MAN1C1: variants seen among roughly 807,000 people sequenced by gnomAD.
The protein encoded by MAN1C1 is mannosidase alpha class 1C member 1.
MAN1C1 carries 49 observed loss-of-function variants against 71.5 expected under a neutral mutation model. The observed-to-expected ratio is 0.69, with a 90% CI of 0.54 to 0.87. The LOEUF (loss-of-function observed/expected upper bound fraction) is 0.87. Among genes scored for constraint, MAN1C1 ranks in the 40% least tolerant of loss-of-function variants. The probability of loss-of-function intolerance (pLI) is 0.00; values close to 1 mark genes in which losing one functional copy is unlikely to be tolerated. For synonymous variants in MAN1C1, 352 were observed against 343.7 expected, an observed-to-expected ratio of 1.02 and a Z score of -0.27; for missense variants, 743 against 835.0, an observed-to-expected ratio of 0.89 and a Z score of 1.36.
At chr1:25,702,201 T>G (rs1303869714) in intron 2 of MAN1C1, among the ~76,000 whole-genome samples, 1 of 152,122 alleles carries the variant, frequency 6.6e-6, no homozygotes, top group Non-Finnish European at 1.5e-5. Flanking sequence ...TGGGGCTGCT[T>G]AGAAAGAACT....
At chr1:25,618,756 A>G (rs2124744878) in intron 1 of MAN1C1, among the ~76,000 whole-genome samples, 1 of 151,676 alleles carries the variant, frequency 6.6e-6, no homozygotes, top group Admixed American at 6.6e-5. Context: ...ATTCTTTTTC[A>G]CTGTGTGACC....
chr1:25,748,722 C>T (rs1211084699), intron 3 of MAN1C1, among the ~76,000 whole-genome samples: 1 of 152,200 alleles, frequency 6.6e-6, no homozygotes, highest in Admixed American at 6.5e-5. Flanking sequence ...CCTGTGCGCT[C>T]CGAGCTGAGG....
At position 25,778,284 on chromosome 1, in the gene MAN1C1, C is replaced by G. The variant is rs1484750943; in HGVS notation, c.1437C>G (p.Ala479=). The stretch of plus-strand genomic sequence containing the variant: ...GGGCCCACTACCGAGAGCTCGCAGC[C>G]CAGATCACCAAGACGTGTCACGAGT... ...EKRAHYRELA[A]QITKTCHESY... is the part of the protein sequence containing the mutation. The change falls in exon 9 of 12, where the codon GCC becomes GCG. Residue 479 remains alanine (A), a synonymous_variant. Coordinates refer to ENST00000374332, the MANE Select transcript of MAN1C1 (RefSeq NM_020379.4). This position sits in a 1 kb window ranked among gnomAD's most constrained non-coding sequence, Gnocchi z 5.5. 6.2e-7 allele frequency: 1 copy of G among 1,613,800 alleles called. No individual in the cohort carries two copies. The highest frequency in any genetic ancestry group is 1.1e-5 in the South Asian group (1 of 91,068).
intron 1 of MAN1C1, among the ~76,000 whole-genome samples, chr1:25,633,325 T>C (rs756455056): frequency 1.2e-4 from 18 of 152,192 alleles, no homozygotes; most frequent in African/African-American, 3.6e-4. Context: ...TTCTAGAGTG[T>C]AGTTTAAGTC....
chr1:25,662,996 CAGA>C (rs1245056946), intron 1 of MAN1C1, among the ~76,000 whole-genome samples: 2 of 151,422 alleles, frequency 1.3e-5, no homozygotes, highest in Non-Finnish European at 2.9e-5. Context: ...GAGGCTGAGG[CAGA>C]AGAATTGCTT....
chr1:25,741,259 C>T (rs1221443073), intron 2 of MAN1C1, among the ~76,000 whole-genome samples: 2 of 152,078 alleles, frequency 1.3e-5, no homozygotes, highest in Non-Finnish European at 2.9e-5. Flanking sequence ...GGATTACAGG[C>T]GTGAGCCACT....
chr1:25,781,013 C>G lies in MAN1C1; in HGVS notation c.1551C>G (p.Ser517Arg). The change falls in exon 10 of 12, where the codon AGC becomes AGG. Residue 517 changes from serine to arginine, a missense_variant. Physicochemically the swap from Ser to Arg is moderately radical, Grantham distance 110 (BLOSUM62 -1). Transcript: ENST00000374332. ...REAVATQLSE[S>R]YYILRPEVVE... ...CCGTGGCCACCCAGCTGAGCGAGAG[C>G]TACTACATCCTCCGGCCAGAGGTGG... The G allele has an allele frequency of 6.2e-7, 1 of 1,614,130 alleles. No homozygotes were observed. Among genetic ancestry groups the G allele is most frequent in the Non-Finnish European group, 8.5e-7 (1 of 1,180,036 alleles).
intron 3 of MAN1C1, among the ~76,000 whole-genome samples, chr1:25,747,110 A>G (rs1389354888): frequency 1.3e-5 from 2 of 152,124 alleles, no homozygotes; most frequent in Non-Finnish European, 2.9e-5. Context: ...GGCTGGATCT[A>G]TCACACACAG....
At chr1:25,687,766 A>G (rs1424411605) in intron 2 of MAN1C1, among the ~76,000 whole-genome samples, 1 of 151,888 alleles carries the variant, frequency 6.6e-6, no homozygotes, top group Non-Finnish European at 1.5e-5. Flanking sequence ...AGCTTTATGT[A>G]TTTATTTTTC....
rs2047400733 is a variant in MAN1C1 at position 25,764,373 on chromosome 1, GCC to G, written c.1141+407_1141+408del. On this transcript the variant is annotated intron_variant, in intron 7 of 11. Transcript: ENST00000374332. The surrounding 1 kb of genome is among the most constrained non-coding windows in gnomAD (Gnocchi z 4.4). ...AAGAGAGGCCAGGCATCCTTTCCAAGCCTCTTTGATCAGGCTCCCCACTTCCA... is the reference window on the plus strand; with the variant it reads ...AAGAGAGGCCAGGCATCCTTTCCAAGTCTTTGATCAGGCTCCCCACTTCCA... 1.3e-5 allele frequency among the ~76,000 whole-genome samples: 2 copies of G among 152,026 alleles called. No individual in the cohort carries two copies. Among genetic ancestry groups the G allele is most frequent in the African/African-American group, 4.8e-5 (2 of 41,382 alleles).
At chr1:25,716,280 A>T (rs1350678546) in intron 2 of MAN1C1, among the ~76,000 whole-genome samples, 3 of 152,228 alleles carry the variant, frequency 2.0e-5, no homozygotes, top group Non-Finnish European at 2.9e-5. Flanking sequence ...AGACTTGGCC[A>T]TACTCAGATC....
chr1:25,760,233 C>T (rs1198981031), intron 6 of MAN1C1: 2 of 152,226 alleles, frequency 1.3e-5, no homozygotes, highest in African/African-American at 4.8e-5. Context: ...TGAGGTGGGT[C>T]TTCCTGGAGT....
At chr1:25,681,355 G>A (rs2046151016) in intron 1 of MAN1C1, among the ~76,000 whole-genome samples, 1 of 152,224 alleles carries the variant, frequency 6.6e-6, no homozygotes. Flanking sequence ...TTCTCTCCCA[G>A]TGAAGATGTG....
In MAN1C1 at chr1:25,686,527, A is replaced by T; in HGVS notation, c.628A>T (p.Asn210Tyr). 1 of 1,614,086 alleles carries T rather than the reference A, an allele frequency of 6.2e-7. No individual in the cohort carries two copies. Among genetic ancestry groups the T allele is most frequent in the Non-Finnish European group, 8.5e-7 (1 of 1,179,944 alleles). The change falls in exon 2 of 12, where the codon AAC becomes TAC. Residue 210 changes from asparagine to tyrosine, a missense_variant. By Grantham distance (143) the Asn-to-Tyr change is moderately radical. Transcript: ENST00000374332. Reference protein sequence around the residue: ...RPLTKDGYEGNMFGGLSGATV... With the variant: ...RPLTKDGYEGYMFGGLSGATV... ...ACTAACAAAAGATGGCTACGAGGGT[A>T]ACATGTTCGGTGAGTCGATTCAAAC...
Position 25,771,830 on chromosome 1 carries a change from C to T in MAN1C1, c.1257+58C>T, listed in dbSNP as rs1161685040. The T allele has an allele frequency of 3.5e-5, 50 of 1,432,106 alleles. No individual in the cohort carries two copies. The South Asian group carries it at 4.2e-4, about 12-fold the overall frequency. 88.7% of individuals were successfully genotyped at this position (1,432,106 alleles called of 1,614,324 possible). On this transcript the variant is annotated intron_variant, in intron 8 of 11. Transcript: ENST00000374332. ...TGGTCACCAGCCCCCGGCTCTCTCACGGCCGAGCGAGGGTGCTGCGGGCAG... is the reference window on the plus strand; with the variant it reads ...TGGTCACCAGCCCCCGGCTCTCTCATGGCCGAGCGAGGGTGCTGCGGGCAG...
At chr1:25,722,586 G>A (rs2046780977) in intron 2 of MAN1C1, among the ~76,000 whole-genome samples, 2 of 152,116 alleles carry the variant, frequency 1.3e-5, no homozygotes, top group African/African-American at 2.4e-5. Flanking sequence ...ATGTTCTTTT[G>A]TTGAGCATTC....
intron 6 of MAN1C1, chr1:25,760,032 C>T (rs2047340654): frequency 6.6e-6 from 1 of 152,356 alleles, no homozygotes; most frequent in Non-Finnish European, 1.5e-5. Flanking sequence ...CTCCAAGTCC[C>T]ATCCCCCAAC....
intron 9 of MAN1C1, chr1:25,780,567 G>A (rs77368140): frequency 0.017 from 2,965 of 174,798 alleles, 111 homozygotes; most frequent in African/African-American, 0.066. Context: ...CAGATGTGTT[G>A]AAACCCGAAA....
chr1:25,623,372 G>T (rs2045244429), intron 1 of MAN1C1, among the ~76,000 whole-genome samples: 1 of 152,084 alleles, frequency 6.6e-6, no homozygotes, highest in African/African-American at 2.4e-5. Context: ...TCTTAACTCT[G>T]TCTTTAGTGT....
Sources: gnomAD v4.1 joint callset for allele counts (sites outside exome capture counted in the v4.1 genomes callset) on GRCh38, gnomAD v4.1.1 for gene constraint, Gnocchi (gnomAD v3.1) non-coding constraint, MANE v1.5 for transcripts, NCBI Gene and HGNC (gene_info 2026-07-23, HGNC 2026-07-21) for gene names.